Variants in HYDIN observed in about 807,000 individuals in gnomAD.
HYDIN encodes HYDIN axonemal central pair apparatus protein, also known as axonemal central pair apparatus protein HYDIN.
In HYDIN, 132 loss-of-function variants were observed where a neutral mutation model predicts 403.9. The observed-to-expected ratio is 0.33, with a 90% CI of 0.28 to 0.38. The LOEUF (loss-of-function observed/expected upper bound fraction) is 0.38, where lower values mean the gene tolerates loss of function less well. Among genes scored for constraint, HYDIN ranks in the 10% least tolerant of loss-of-function variants. The pLI is 1.00. For missense variants in HYDIN, 2,827 were observed against 5,009.5 expected, an observed-to-expected ratio of 0.56 and a Z score of 13.15; for synonymous variants, 1,202 against 1,891.7, an observed-to-expected ratio of 0.64 and a Z score of 9.46.
chr16:71,000,596 C>T (rs1158633104), intron 23 of HYDIN, among the ~76,000 whole-genome samples: 3 of 152,054 alleles, frequency 2.0e-5, no homozygotes, highest in African/African-American at 7.2e-5. Context: ...AAAGGCCTAC[C>T]CCGCTCCATA....
In HYDIN at chr16:70,908,876, A is replaced by G; in HGVS notation, c.8005-15T>C. 1 of 1,610,540 alleles carries G rather than the reference A, an allele frequency of 6.2e-7. No individual in the cohort carries two copies. Among genetic ancestry groups the G allele is most frequent in the South Asian group, 1.1e-5 (1 of 90,588 alleles). ...TCCTCTTGAGCCTTAATTAAAAACG[A>G]GCATGAGGTCTTAAATATTCACTTT... is the stretch of plus-strand genomic sequence containing the variant. On this transcript the variant is annotated splice_polypyrimidine_tract_variant and intron_variant, in intron 47 of 85. Transcript: ENST00000393567.
At chr16:71,199,457 CT>C (rs2087876568) in intron 1 of HYDIN, among the ~76,000 whole-genome samples, 2 of 152,176 alleles carry the variant, frequency 1.3e-5, no homozygotes. Context: ...TGCCCATCCA[CT>C]TAAGTCTCAC....
chr16:70,940,486 G>T (rs2077636154), intron 43 of HYDIN, among the ~76,000 whole-genome samples: 1 of 151,762 alleles, frequency 6.6e-6, no homozygotes, highest in Non-Finnish European at 1.5e-5. Flanking sequence ...TGTAATAATA[G>T]TGTGACCGTA....
chr16:71,122,719 T>C (rs2084306822), intron 9 of HYDIN, among the ~76,000 whole-genome samples: 1 of 151,120 alleles, frequency 6.6e-6, no homozygotes, highest in Admixed American at 6.6e-5. Flanking sequence ...TTCTGCAGGC[T>C]TAGATGACGA....
intron 11 of HYDIN, 116 bp downstream of exon 11, chr16:71,093,701 T>C: frequency 7.8e-6 from 9 of 1,155,548 alleles, no homozygotes; most frequent in Admixed American, 2.8e-5. Flanking sequence ...CAAGGATGAG[T>C]AACGGCGAAT....
intron 40 of HYDIN, among the ~76,000 whole-genome samples, chr16:70,954,452 CAA>C (rs56235375): frequency 2.7e-4 from 18 of 65,842 alleles, no homozygotes; most frequent in South Asian, 5.6e-4. Context: ...TACCTTGTCT[CAA>C]AAAAAAAAAA....
intron 7 of HYDIN, among the ~76,000 whole-genome samples, chr16:71,140,902 T>G (rs1237805693): frequency 1.3e-5 from 2 of 149,266 alleles, no homozygotes; most frequent in Non-Finnish European, 3.0e-5. Flanking sequence ...GAATGATACT[T>G]CATAACCAAG....
At chr16:71,192,434 C>T (rs999163236) in intron 1 of HYDIN, among the ~76,000 whole-genome samples, 1 of 152,054 alleles carries the variant, frequency 6.6e-6, no homozygotes, top group Non-Finnish European at 1.5e-5. Context: ...AAAATCGTTT[C>T]GTCCGGAACA....
At chr16:70,856,081 T>G in intron 72 of HYDIN, among the ~76,000 whole-genome samples, 1 of 146,480 alleles carries the variant, frequency 6.8e-6, no homozygotes, top group Admixed American at 6.7e-5. Context: ...TTCATGTAGG[T>G]CTTTTTTGTG....
Position 70,889,687 on chromosome 16 carries a change from T to C in HYDIN, c.9674A>G (p.His3225Arg), listed in dbSNP as rs776029626. The C allele has an allele frequency of 1.6e-6, 1 of 638,980 alleles. No individual in the cohort carries two copies. Among genetic ancestry groups the C allele is most frequent in the African/African-American group, 1.9e-5 (1 of 51,402 alleles). 39.6% of individuals were successfully genotyped at this position (638,980 alleles called of 1,614,324 possible). A position where few individuals can be genotyped will look rare whatever the true frequency, so the allele number is the denominator to read the frequency against. Residue 3225 changes from histidine (H) to arginine (R), a missense_variant, in exon 58 of 86, where the codon CAT (histidine) becomes CGT (arginine). By Grantham distance (29) the His-to-Arg change is conservative (BLOSUM62 0). Coordinates refer to ENST00000393567, the MANE Select transcript of HYDIN (RefSeq NM_001270974.2). ...HQKKAASHVR[H>R]ARSRESESFY... ...GCTCTCACTTTCTCGGGATCTTGCA[T>C]GTCTGACGTGGCTGGCTCTGATTAA...
intron 24 of HYDIN, among the ~76,000 whole-genome samples, 191 bp downstream of exon 24, chr16:70,991,879 C>T (rs1327423469): frequency 6.6e-6 from 1 of 152,008 alleles, no homozygotes; most frequent in Admixed American, 6.6e-5. Flanking sequence ...GGGCTCAGTC[C>T]CCCAGGACTC....
At position 70,991,444 on chromosome 16, in the gene HYDIN, G is replaced by A. The variant is rs377417392; in HGVS notation, c.3786-48C>T. The A allele has an allele frequency of 3.7e-4, 588 of 1,601,294 alleles. 6 individuals carry two copies. In the South Asian group the frequency reaches 6.0e-3, roughly 16 times the overall value. ...GAGATTCACTCATTGGGCTGTCATC[G>A]CCACACAGTCTCAGGTGCATAACAG... On this transcript the variant is annotated intron_variant, in intron 24 of 85. Coordinates refer to ENST00000393567, the MANE Select transcript of HYDIN (RefSeq NM_001270974.2).
At chr16:70,812,369 A>G (rs2035561985) in intron 84 of HYDIN, among the ~76,000 whole-genome samples, 1 of 151,886 alleles carries the variant, frequency 6.6e-6, no homozygotes, top group South Asian at 2.1e-4. Flanking sequence ...CATATCTGTA[A>G]TCCCACCTAC....
chr16:71,104,052 T>C (rs2083538476), intron 10 of HYDIN, among the ~76,000 whole-genome samples: 1 of 152,058 alleles, frequency 6.6e-6, no homozygotes, highest in Non-Finnish European at 1.5e-5. Flanking sequence ...TACTACCTTT[T>C]AAAATTTCAG....
At chr16:71,213,259 G>T (rs919081237) in intron 1 of HYDIN, among the ~76,000 whole-genome samples, 1 of 151,964 alleles carries the variant, frequency 6.6e-6, no homozygotes, top group Non-Finnish European at 1.5e-5. Context: ...GGGGAAACAT[G>T]GTCAACAGTG....
At chr16:71,094,701 G>A (rs1451845864) in intron 10 of HYDIN, among the ~76,000 whole-genome samples, 1 of 152,280 alleles carries the variant, frequency 6.6e-6, no homozygotes, top group African/African-American at 2.4e-5. Context: ...TCGTGATAAT[G>A]CACTTGCATG....
At chr16:70,898,216 C>A (rs1462539035) in intron 53 of HYDIN, among the ~76,000 whole-genome samples, 1 of 151,632 alleles carries the variant, frequency 6.6e-6, no homozygotes, top group Non-Finnish European at 1.5e-5. Flanking sequence ...CTTTCTGTAC[C>A]AGTTGGTAAG....
intron 18 of HYDIN, among the ~76,000 whole-genome samples, chr16:71,036,884 A>G (rs2081106385): frequency 6.6e-6 from 1 of 152,176 alleles, no homozygotes. Context: ...GGGCTTGGTC[A>G]TTGTGATATT....
chr16:71,193,569 C>T (rs926247772), intron 1 of HYDIN, among the ~76,000 whole-genome samples: 1 of 152,118 alleles, frequency 6.6e-6, no homozygotes, highest in African/African-American at 2.4e-5. Flanking sequence ...TCCTTAGGCA[C>T]AAAATTCCTT....
Sources: allele counts gnomAD v4.1 joint callset (sites outside exome capture counted in the v4.1 genomes callset), GRCh38; gene constraint gnomAD v4.1.1; transcripts MANE v1.5; gene names NCBI Gene and HGNC (gene_info 2026-07-23, HGNC 2026-07-21).